Variants in THSD4 observed in about 807,000 individuals in gnomAD.
THSD4 encodes thrombospondin type-1 domain-containing protein 4.
THSD4 carries 69 observed loss-of-function variants against 119.0 expected under a neutral mutation model. That is an observed-to-expected ratio of 0.58 (90% CI 0.48 to 0.71). THSD4 has a LOEUF of 0.71. THSD4 is among the 30% of genes least tolerant of loss of function. The probability of loss-of-function intolerance (pLI) is 0.00; values close to 1 mark genes in which losing one functional copy is unlikely to be tolerated. For missense variants in THSD4, 1,393 were observed against 1,391.1 expected, an observed-to-expected ratio of 1.00 and a Z score of -0.02; for synonymous variants, 524 against 540.4, an observed-to-expected ratio of 0.97 and a Z score of 0.42.
At chr15:71,439,154 C>T (rs1333563796) in intron 7 of THSD4, among the ~76,000 whole-genome samples, 1 of 152,196 alleles carries the variant, frequency 6.6e-6, no homozygotes, top group Non-Finnish European at 1.5e-5. Context: ...TCACTGCTCC[C>T]ATAGGCGGCT....
At chr15:71,766,224 A>G (rs910603153) in intron 16 of THSD4, among the ~76,000 whole-genome samples, 1 of 152,152 alleles carries the variant, frequency 6.6e-6, no homozygotes, top group African/African-American at 2.4e-5. Context: ...TTCATTTTCA[A>G]GAAACTTCCT....
chr15:71,725,357 G>C (rs557340793), intron 8 of THSD4, among the ~76,000 whole-genome samples: 2 of 152,312 alleles, frequency 1.3e-5, no homozygotes, highest in Admixed American at 1.3e-4. Context: ...CAGAGGCAAA[G>C]TTTGGCCTGT....
intron 7 of THSD4, among the ~76,000 whole-genome samples, chr15:71,655,298 A>G (rs1028467064): frequency 6.6e-6 from 1 of 152,184 alleles, no homozygotes; most frequent in Non-Finnish European, 1.5e-5. Flanking sequence ...TAGAAGCTGT[A>G]TGAGGTGTCT....
intron 7 of THSD4, among the ~76,000 whole-genome samples, chr15:71,460,691 C>T (rs1231960650): frequency 6.6e-6 from 1 of 152,160 alleles, no homozygotes; most frequent in Non-Finnish European, 1.5e-5. Flanking sequence ...AAAAGACTGC[C>T]TTGGGACAAT....
At chr15:71,557,159 G>A (rs1011190453) in intron 7 of THSD4, among the ~76,000 whole-genome samples, 1 of 152,036 alleles carries the variant, frequency 6.6e-6, no homozygotes, top group Non-Finnish European at 1.5e-5. Flanking sequence ...TCTATTCCCA[G>A]TGTACTAAGA....
chr15:71,382,889 GTTCCAGTA>G, intron 6 of THSD4, among the ~76,000 whole-genome samples: 1 of 152,278 alleles, frequency 6.6e-6, no homozygotes, highest in East Asian at 1.9e-4. Context: ...AGCAATTAAT[GTTCCAGTA>G]TTTTAACTTA....
chr15:71,758,986 A>G (rs1475798136), intron 15 of THSD4, among the ~76,000 whole-genome samples: 1 of 151,926 alleles, frequency 6.6e-6, no homozygotes, highest in Non-Finnish European at 1.5e-5. Context: ...TTAACAAAAG[A>G]AAAAAAACAG....
intron 6 of THSD4, among the ~76,000 whole-genome samples, chr15:71,402,116 G>A (rs1374158323): frequency 3.3e-5 from 5 of 151,110 alleles, no homozygotes; most frequent in Non-Finnish European, 7.4e-5. Flanking sequence ...GTGGGGGGAT[G>A]GGGGAGGGAT....
chr15:71,357,367 G>C (rs908538431), intron 6 of THSD4, among the ~76,000 whole-genome samples: 2 of 152,174 alleles, frequency 1.3e-5, no homozygotes, highest in Non-Finnish European at 2.9e-5. Flanking sequence ...TGGGAGGCCT[G>C]CGTTTCCTTG....
At chr15:71,386,316 A>G (rs188953684) in intron 6 of THSD4, among the ~76,000 whole-genome samples, 1 of 152,338 alleles carries the variant, frequency 6.6e-6, no homozygotes, top group Non-Finnish European at 1.5e-5. Context: ...ATGCTACCCA[A>G]GGAGGACAGG....
intron 5 of THSD4, among the ~76,000 whole-genome samples, chr15:71,249,139 A>G (rs1002984711): frequency 2.0e-5 from 3 of 152,098 alleles, no homozygotes; most frequent in Non-Finnish European, 2.9e-5. Context: ...ATGTATATAC[A>G]CTTATATGTG....
In THSD4 at chr15:71,724,287, A is replaced by ATATATATATATATAT; in HGVS notation, c.1358-4261_1358-4260insATATATATATATATT. Among the ~76,000 whole-genome samples the ATATATATATATATAT allele has an allele frequency of 5.1e-4, 19 of 37,284 alleles. No homozygotes were observed. The South Asian group carries it at 0.012, about 24-fold the overall frequency. The allele number at this position is 37,284 out of a possible 152,430, so 24.5% of individuals were successfully genotyped here. ...ATGGGATATATATATATATATATAT[A>ATATATATATATATAT]TTTTTTTTTTCCCCCCAAGATGGAA... On this transcript the variant is annotated intron_variant, in intron 8 of 17. Transcript: ENST00000261862.
intron 7 of THSD4, among the ~76,000 whole-genome samples, chr15:71,630,756 G>A (rs1217216811): frequency 1.3e-5 from 2 of 152,152 alleles, no homozygotes; most frequent in Non-Finnish European, 2.9e-5. Flanking sequence ...GTGTTTGAAT[G>A]CACCAGTGTG....
chr15:71,504,216 A>T (rs549142982), intron 7 of THSD4, among the ~76,000 whole-genome samples: 11 of 152,246 alleles, frequency 7.2e-5, no homozygotes, highest in African/African-American at 2.4e-4. Context: ...GAGGGCTGGG[A>T]CTCCAAATCA....
chr15:71,488,864 A>G (rs2047866289), intron 7 of THSD4, among the ~76,000 whole-genome samples: 1 of 152,150 alleles, frequency 6.6e-6, no homozygotes. Flanking sequence ...TGTTTATTCT[A>G]CTATTAGCGA....
intron 7 of THSD4, among the ~76,000 whole-genome samples, chr15:71,652,177 C>T (rs2051103808): frequency 2.0e-5 from 3 of 152,172 alleles, no homozygotes; most frequent in South Asian, 4.1e-4. Context: ...TCTCTCTGCT[C>T]CATTCTGCAA....
At chr15:71,619,708 CAGAACAT>C (rs1462598806) in intron 7 of THSD4, among the ~76,000 whole-genome samples, 1 of 152,146 alleles carries the variant, frequency 6.6e-6, no homozygotes, top group Non-Finnish European at 1.5e-5. Flanking sequence ...TAACTCCAAA[CAGAACAT>C]ACAAGCATAG....
intron 8 of THSD4, among the ~76,000 whole-genome samples, chr15:71,677,829 C>G (rs976112927): frequency 6.6e-6 from 1 of 152,182 alleles, no homozygotes; most frequent in South Asian, 2.1e-4. Context: ...TATCGTCTGT[C>G]TCAGAAATAT....
Position 71,122,613 on chromosome 15 carries a change from T to C in THSD4, c.-80+6915T>C, listed in dbSNP as rs188025280. Reference sequence around the variant, plus strand: ...TCGGCTTATGTTTTAATTTAGCACATGCAGATTTGTCTTTTCAACTAACAG... The same window carrying C: ...TCGGCTTATGTTTTAATTTAGCACACGCAGATTTGTCTTTTCAACTAACAG... On this transcript the variant is annotated intron_variant, in intron 1 of 17. Transcript: ENST00000261862. 1.3e-4 allele frequency among the ~76,000 whole-genome samples: 20 copies of C among 152,328 alleles called. No homozygotes were observed. The East Asian group carries it at 3.5e-3, about 27-fold the overall frequency.
Sources: allele counts gnomAD v4.1 joint callset (sites outside exome capture counted in the v4.1 genomes callset), GRCh38; gene constraint gnomAD v4.1.1; transcripts MANE v1.5; gene names NCBI Gene and HGNC (gene_info 2026-07-23, HGNC 2026-07-21).